GPR158: variants seen among roughly 807,000 people sequenced by gnomAD.
GPR158 encodes metabotropic glycine receptor.
In GPR158, 30 loss-of-function variants were observed where a neutral mutation model predicts 78.2. The ratio of observed to expected loss-of-function variants is 0.38; its 90% confidence interval spans 0.29 to 0.52. The LOEUF (loss-of-function observed/expected upper bound fraction) is 0.52, where lower values mean the gene tolerates loss of function less well. Ranked by LOEUF, GPR158 falls within the 20% of genes least tolerant of loss-of-function variation. The pLI, the probability that GPR158 is intolerant of heterozygous loss-of-function variation, is 0.83. For synonymous variants in GPR158, 581 were observed against 591.1 expected, an observed-to-expected ratio of 0.98 and a Z score of 0.25; for missense variants, 1,463 against 1,523.5, an observed-to-expected ratio of 0.96 and a Z score of 0.66.
chr10:25,208,685 T>G (rs781230800), intron 1 of GPR158, among the ~76,000 whole-genome samples: 2 of 151,806 alleles, frequency 1.3e-5, no homozygotes, highest in Non-Finnish European at 2.9e-5. Context: ...CATCTCGACA[T>G]TTCCCGACCA....
chr10:25,296,905 G>C (rs1227806327), intron 2 of GPR158, among the ~76,000 whole-genome samples: 3 of 152,122 alleles, frequency 2.0e-5, no homozygotes, highest in Non-Finnish European at 2.9e-5. Flanking sequence ...TAAGTCCATT[G>C]AGTTAGATTC....
chr10:25,434,183 A>T (rs919948972), intron 4 of GPR158, among the ~76,000 whole-genome samples: 12 of 152,068 alleles, frequency 7.9e-5, no homozygotes, highest in Non-Finnish European at 1.8e-4. Flanking sequence ...AAACAAACAA[A>T]AAGAAATCAT....
intron 6 of GPR158, among the ~76,000 whole-genome samples, chr10:25,568,265 T>C (rs7088106): frequency 0.3 from 45,104 of 152,018 alleles, 12,298 homozygotes; most frequent in African/African-American, 0.7. Context: ...ATAACTGAGA[T>C]GGGGAGCCGT....
In GPR158 at chr10:25,407,602, C is replaced by A. The variant is rs1002520614; in HGVS notation, c.1112-4648C>A. On this transcript the variant is annotated intron_variant, in intron 3 of 10. Transcript: ENST00000376351. The stretch of plus-strand genomic sequence containing the variant: ...AAGCCTTCTCCACATATGTTCTTTC[C>A]CTTCTTGGTTAATGGTAACTTTTTT... Among the ~76,000 whole-genome samples, 5 of 152,074 alleles carry A rather than the reference C, an allele frequency of 3.3e-5. No homozygotes were observed. The East Asian group carries it at 9.6e-4, about 29-fold the overall frequency.
chr10:25,181,122 AC>A (rs1480558704), intron 1 of GPR158, among the ~76,000 whole-genome samples: 2 of 152,062 alleles, frequency 1.3e-5, no homozygotes, highest in Non-Finnish European at 2.9e-5. Flanking sequence ...GGCCAAACAT[AC>A]CCTATGTCTT....
chr10:25,278,328 G>A (rs1854215449), intron 2 of GPR158, among the ~76,000 whole-genome samples: 1 of 152,082 alleles, frequency 6.6e-6, no homozygotes, highest in Admixed American at 6.5e-5. Flanking sequence ...GTCAGGTGAA[G>A]AGAGAATTAA....
At position 25,551,064 on chromosome 10, in the gene GPR158, C is replaced by G. The variant is rs753584397; in HGVS notation, c.1493C>G (p.Thr498Ser). 1 of 1,583,248 alleles carries G rather than the reference C, an allele frequency of 6.3e-7. No homozygotes were observed. Among genetic ancestry groups the G allele is most frequent in the Non-Finnish European group, 8.7e-7 (1 of 1,151,946 alleles). Reference protein sequence around the residue: ...RLLGFATVYGTVTLKLHRVLK... With the variant: ...RLLGFATVYGSVTLKLHRVLK... ...CTCGGTTTTGCTACTGTTTACGGAA[C>G]TGTCACTCTCAAACTTCACAGGTAT... The change falls in exon 6 of 11, where the codon ACT (threonine) becomes AGT (serine). Residue 498 changes from threonine (T) to serine (S), a missense_variant. Thr to Ser is a moderately conservative substitution (Grantham distance 58). Transcript: ENST00000376351.
intron 2 of GPR158, among the ~76,000 whole-genome samples, chr10:25,266,234 G>T (rs1449605888): frequency 6.6e-6 from 1 of 152,102 alleles, no homozygotes; most frequent in Non-Finnish European, 1.5e-5. Flanking sequence ...AGTTATCTCT[G>T]TCTGAAATTT....
chr10:25,340,490 G>GTTAA (rs763082620), intron 2 of GPR158, among the ~76,000 whole-genome samples: 25 of 151,996 alleles, frequency 1.6e-4, no homozygotes, highest in Non-Finnish European at 2.8e-4. Context: ...TGTTCATGAA[G>GTTAA]TTAAATACAG....
intron 2 of GPR158, chr10:25,393,414 A>G: frequency 6.6e-6 from 1 of 152,220 alleles, no homozygotes; most frequent in East Asian, 1.9e-4. Flanking sequence ...TAGTTTACAA[A>G]TCCTTGCTGG....
intron 5 of GPR158, among the ~76,000 whole-genome samples, chr10:25,513,332 T>A (rs1356067034): frequency 6.6e-6 from 1 of 152,004 alleles, no homozygotes; most frequent in Non-Finnish European, 1.5e-5. Context: ...GCATTCATAG[T>A]AGCCTTGAAT....
chr10:25,563,613 G>T (rs1248902949), intron 6 of GPR158, among the ~76,000 whole-genome samples: 1 of 151,932 alleles, frequency 6.6e-6, no homozygotes, highest in Non-Finnish European at 1.5e-5. Flanking sequence ...CTGAGTTGTT[G>T]CCCTGGAGAT....
intron 7 of GPR158, among the ~76,000 whole-genome samples, chr10:25,584,429 GA>G: frequency 6.6e-6 from 1 of 152,270 alleles, no homozygotes; most frequent in South Asian, 2.1e-4. Context: ...TATTGCTAAT[GA>G]AATGATTTTA....
At chr10:25,508,671 T>G (rs1037884754) in intron 5 of GPR158, among the ~76,000 whole-genome samples, 1 of 152,096 alleles carries the variant, frequency 6.6e-6, no homozygotes. Context: ...GGAAGTCAGG[T>G]CAGCTGGCAT....
intron 2 of GPR158, among the ~76,000 whole-genome samples, chr10:25,361,192 CT>C (rs1197093605): frequency 6.6e-6 from 1 of 151,816 alleles, no homozygotes; most frequent in Non-Finnish European, 1.5e-5. Flanking sequence ...TGGTATTTGG[CT>C]TTTTGTGAGT....
chr10:25,521,301 G>A (rs1836269108), intron 5 of GPR158, among the ~76,000 whole-genome samples: 1 of 152,182 alleles, frequency 6.6e-6, no homozygotes, highest in East Asian at 1.9e-4. Flanking sequence ...TACCTCAGAT[G>A]GAAATGCAGA....
intron 5 of GPR158, among the ~76,000 whole-genome samples, chr10:25,506,690 C>CA (rs1418285634): frequency 6.6e-6 from 1 of 152,092 alleles, no homozygotes; most frequent in Non-Finnish European, 1.5e-5. Context: ...TAGCATGATA[C>CA]AAAAATACAA....
intron 6 of GPR158, among the ~76,000 whole-genome samples, chr10:25,564,683 G>T (rs943306447): frequency 7.4e-6 from 1 of 134,254 alleles, no homozygotes; most frequent in Non-Finnish European, 1.7e-5. Context: ...CTTGAAGGCC[G>T]CCATTGAGCT....
At chr10:25,596,516 T>G in intron 9 of GPR158, 127 bp from the exon 10 acceptor site, 1 of 617,566 alleles carries the variant, frequency 1.6e-6, no homozygotes. Context: ...TCTATATATA[T>G]AGATAGATAG....
Sources: allele counts gnomAD v4.1 joint callset (sites outside exome capture counted in the v4.1 genomes callset), GRCh38; gene constraint gnomAD v4.1.1; transcripts MANE v1.5; gene names NCBI Gene and HGNC (gene_info 2026-07-23, HGNC 2026-07-21).